CNTNAP3B: variants seen among roughly 807,000 people sequenced by gnomAD.
The protein encoded by CNTNAP3B is contactin associated protein family member 3B.
Under a neutral mutation model 108.9 loss-of-function variants are expected in CNTNAP3B, and 25 were observed. The observed-to-expected ratio is 0.23, with a 90% confidence interval of 0.17 to 0.32. CNTNAP3B has a LOEUF of 0.32. Ranked by LOEUF, CNTNAP3B falls within the 10% of genes least tolerant of loss-of-function variation. CNTNAP3B has a pLI of 1.00. For missense variants in CNTNAP3B, 252 were observed against 1,210.4 expected (o/e 0.21, Z 11.75); for synonymous variants, 103 against 473.4 (o/e 0.22, Z 10.16).
chr9:41,955,714 T>C (rs767635251), intron 12 of CNTNAP3B, among the ~76,000 whole-genome samples: 57 of 152,404 alleles, frequency 3.7e-4, no homozygotes, highest in Non-Finnish European at 5.7e-4. Flanking sequence ...CAGAACACAC[T>C]GGAGGCTGTC....
At chr9:41,966,595 CT>C (rs1210889655) in intron 10 of CNTNAP3B, among the ~76,000 whole-genome samples, 287 of 152,036 alleles carry the variant, frequency 1.9e-3, no homozygotes, top group Non-Finnish European at 2.8e-3. Context: ...CAGGACTCCA[CT>C]GGAAGCTCTG....
intron 3 of CNTNAP3B, among the ~76,000 whole-genome samples, chr9:42,041,841 G>C (rs1291079156): frequency 1.4e-5 from 2 of 144,716 alleles, no homozygotes; most frequent in South Asian, 2.2e-4. Context: ...CAACCCAAAT[G>C]TCCATCAATG....
intron 10 of CNTNAP3B, among the ~76,000 whole-genome samples, chr9:41,966,425 G>A (rs1371473049): frequency 5.9e-5 from 9 of 152,294 alleles, no homozygotes; most frequent in South Asian, 4.1e-4. Flanking sequence ...AAATTTACAT[G>A]TAGTACAAAT....
At chr9:42,078,957 A>T (rs1287868928) in intron 2 of CNTNAP3B, among the ~76,000 whole-genome samples, 3 of 151,080 alleles carry the variant, frequency 2.0e-5, no homozygotes, top group African/African-American at 7.4e-5. Flanking sequence ...TGAGAACTCT[A>T]GGTCAGGCAA....
At chr9:41,926,173 C>T (rs1279596413) in intron 15 of CNTNAP3B, among the ~76,000 whole-genome samples, 1 of 152,270 alleles carries the variant, frequency 6.6e-6, no homozygotes, top group Non-Finnish European at 1.5e-5. Context: ...TTCCTCCTTC[C>T]CACATGTATA....
intron 14 of CNTNAP3B, among the ~76,000 whole-genome samples, chr9:41,934,098 TAC>T (rs1824065869): frequency 7.5e-5 from 10 of 133,846 alleles, no homozygotes; most frequent in African/African-American, 2.0e-4. Flanking sequence ...GCATATTTGT[TAC>T]ATATATATAT....
chr9:41,953,020 C>G (rs1824739395), intron 13 of CNTNAP3B, among the ~76,000 whole-genome samples, 163 bp downstream of exon 13: 1 of 152,268 alleles, frequency 6.6e-6, no homozygotes, highest in South Asian at 2.1e-4. Context: ...CTTGAATGCT[C>G]TTTGGTCCAA....
At chr9:42,019,697 G>T (rs1375737327) in intron 3 of CNTNAP3B, among the ~76,000 whole-genome samples, 1 of 149,234 alleles carries the variant, frequency 6.7e-6, no homozygotes, top group Non-Finnish European at 1.5e-5. Context: ...GGAGGTGGAG[G>T]TTGCAGTGAG....
At chr9:41,961,798 T>C (rs1248292279) in intron 11 of CNTNAP3B, among the ~76,000 whole-genome samples, 8 of 152,302 alleles carry the variant, frequency 5.3e-5, no homozygotes, top group African/African-American at 1.9e-4. Flanking sequence ...ATAATGTAAA[T>C]TTACTCTAGC....
chr9:42,111,537 G>C (rs28572375), intron 1 of CNTNAP3B, among the ~76,000 whole-genome samples: 1 of 137,776 alleles, frequency 7.3e-6, no homozygotes, highest in African/African-American at 2.9e-5. Context: ...AGTTGTAGAT[G>C]AAAATAAAAC....
chr9:41,958,216 T>C (rs1423037598), intron 12 of CNTNAP3B, among the ~76,000 whole-genome samples: 4 of 152,290 alleles, frequency 2.6e-5, no homozygotes, highest in Non-Finnish European at 4.4e-5. Flanking sequence ...CAAGCGATCC[T>C]CCCACCTCAG....
chr9:42,097,088 C>T (rs1201943958), intron 2 of CNTNAP3B, among the ~76,000 whole-genome samples: 1 of 139,790 alleles, frequency 7.2e-6, no homozygotes, highest in Non-Finnish European at 1.5e-5. Flanking sequence ...GTGCCACCTT[C>T]AATGATGGCT....
rs1227853609 is a variant in CNTNAP3B, at chr9:42,124,029, C to A, written c.85+4981G>T. Among the ~76,000 whole-genome samples, 2 of 133,928 alleles carry A rather than the reference C, an allele frequency of 1.5e-5. 1 individual carries two copies. The highest frequency in any genetic ancestry group is 6.1e-5 in the African/African-American group (2 of 33,054). 87.9% of individuals were successfully genotyped at this position (133,928 alleles called of 152,430 possible). A position where few individuals can be genotyped will look rare whatever the true frequency, so the allele number is the denominator to read the frequency against. On this transcript the variant is annotated intron_variant, in intron 1 of 23. Coordinates refer to ENST00000377561, the MANE Select transcript of CNTNAP3B (RefSeq NM_001201380.3). ...TAATCAAAAGTAATTCAAACCACAG[C>A]CCAGGCAATACATACTAGACCACGT...
chr9:42,115,237 G>A (rs1291589320), intron 1 of CNTNAP3B, among the ~76,000 whole-genome samples: 1 of 136,892 alleles, frequency 7.3e-6, no homozygotes, highest in African/African-American at 2.9e-5. Flanking sequence ...AGCTCATAAG[G>A]CTAAGAAAAT....
intron 12 of CNTNAP3B, among the ~76,000 whole-genome samples, 183 bp downstream of exon 12, chr9:41,960,590 A>G (rs1825050807): frequency 6.6e-6 from 1 of 152,298 alleles, no homozygotes; most frequent in Non-Finnish European, 1.5e-5. Context: ...CTTGCCTATA[A>G]TCCAACCCAG....
intron 3 of CNTNAP3B, among the ~76,000 whole-genome samples, chr9:42,042,063 A>G (rs1462332620): frequency 7.2e-6 from 1 of 138,644 alleles, no homozygotes; most frequent in Admixed American, 7.2e-5. Context: ...AGGATGGGGA[A>G]CATCACACAC....
intron 2 of CNTNAP3B, among the ~76,000 whole-genome samples, chr9:42,094,424 G>A (rs1288089884): frequency 7.8e-6 from 1 of 128,122 alleles, no homozygotes; most frequent in African/African-American, 3.2e-5. Flanking sequence ...GGAAGCTGAG[G>A]TGGCTGGACT....
At chr9:41,949,996 A>G (rs1354758389) in intron 13 of CNTNAP3B, among the ~76,000 whole-genome samples, 1 of 151,234 alleles carries the variant, frequency 6.6e-6, no homozygotes, top group Non-Finnish European at 1.5e-5. Flanking sequence ...AAAGGCTAGT[A>G]TCTAGAATAT....
intron 14 of CNTNAP3B, 74 bp from the exon 15 acceptor site, chr9:41,929,518 C>A (rs1390266450): frequency 2.0e-6 from 3 of 1,489,970 alleles, no homozygotes; most frequent in Non-Finnish European, 1.8e-6. Flanking sequence ...GATCTCTTAT[C>A]TCAATTTGAA....
Sources: gnomAD v4.1 joint callset for allele counts (sites outside exome capture counted in the v4.1 genomes callset) on GRCh38, gnomAD v4.1.1 for gene constraint, MANE v1.5 for transcripts, NCBI Gene and HGNC (gene_info 2026-07-23, HGNC 2026-07-21) for gene names.